ZC3H12B: variants seen among roughly 807,000 people sequenced by gnomAD.
The protein encoded by ZC3H12B is zinc finger CCCH-type containing 12B, also known as probable ribonuclease ZC3H12B.
A neutral mutation model predicts 43.9 loss-of-function variants in ZC3H12B; 7 were observed. The ratio of observed to expected loss-of-function variants is 0.16; its 90% CI spans 0.09 to 0.30. The LOEUF is 0.30. ZC3H12B is among the 10% of genes least tolerant of loss of function. ZC3H12B has a pLI of 1.00. For synonymous variants in ZC3H12B, 222 were observed against 241.7 expected (o/e 0.92, Z 0.76); for missense variants, 475 against 670.2 (o/e 0.71, Z 3.22).
chrX:65,141,406 G>A, the ZC3H12B span, among the ~76,000 whole-genome samples: 16 of 109,218 alleles, frequency 1.5e-4, no homozygotes, highest in South Asian at 7.7e-4. Flanking sequence ...CTACACATAC[G>A]TGGGCTCTTT....
At chrX:65,054,033 A>C in the ZC3H12B span, among the ~76,000 whole-genome samples, 1 of 112,372 alleles carries the variant, frequency 8.9e-6, no homozygotes, top group Non-Finnish European at 1.9e-5. Context: ...AGTAGATTGC[A>C]AAAATTTTCT....
At chrX:65,347,563 G>A in the ZC3H12B span, among the ~76,000 whole-genome samples, 28 of 111,951 alleles carry the variant, frequency 2.5e-4, no homozygotes, top group African/African-American at 8.1e-4. Context: ...TTAGAATGGT[G>A]ATCATTAAAA....
At chrX:65,212,379 T>C in the ZC3H12B span, among the ~76,000 whole-genome samples, 1 of 54,407 alleles carries the variant, frequency 1.8e-5, no homozygotes, top group Non-Finnish European at 3.0e-5. Context: ...ACATATTGTA[T>C]AATATGTAAT....
At chrX:65,173,268 T>G in the ZC3H12B span, among the ~76,000 whole-genome samples, 2 of 112,149 alleles carry the variant, frequency 1.8e-5, no homozygotes, top group African/African-American at 6.5e-5. Flanking sequence ...TGCACATTGA[T>G]TTTGTATCCT....
At chrX:65,118,469 A>C in the ZC3H12B span, among the ~76,000 whole-genome samples, 2 of 111,002 alleles carry the variant, frequency 1.8e-5, no homozygotes, top group African/African-American at 3.3e-5. Context: ...TGGGCTGAGA[A>C]GATGGGGTTT....
the ZC3H12B span, among the ~76,000 whole-genome samples, chrX:65,119,705 A>G: frequency 9.0e-6 from 1 of 111,404 alleles, no homozygotes; most frequent in East Asian, 2.8e-4. Context: ...GGTGTTTTAG[A>G]CATGAAGTCC....
chrX:65,132,953 A>G, the ZC3H12B span, among the ~76,000 whole-genome samples: 1 of 111,647 alleles, frequency 9.0e-6, no homozygotes, highest in East Asian at 2.8e-4. Context: ...CTTGGGCCAG[A>G]GTTCCAGGGG....
intron 2 of ZC3H12B, among the ~76,000 whole-genome samples, 173 bp from the exon 5 acceptor site, chrX:65,398,420 G>C (rs1247269610): frequency 8.9e-6 from 1 of 111,855 alleles, no homozygotes; most frequent in African/African-American, 3.2e-5. Context: ...CACAAATCTT[G>C]TTTCGAATTG....
chrX:65,285,398 CT>C, the ZC3H12B span, among the ~76,000 whole-genome samples: 1 of 110,487 alleles, frequency 9.1e-6, no homozygotes, highest in Non-Finnish European at 1.9e-5. Context: ...GCACAAAAGT[CT>C]TCCCCACACC....
At chrX:65,463,598 C>T (rs1406798947) in intron 3 of ZC3H12B, among the ~76,000 whole-genome samples, 1 of 110,762 alleles carries the variant, frequency 9.0e-6, no homozygotes, top group Non-Finnish European at 1.9e-5. Flanking sequence ...AGAGAGAATC[C>T]CTTCCTTGCC....
the ZC3H12B span, among the ~76,000 whole-genome samples, chrX:65,219,999 A>T: frequency 3.6e-5 from 4 of 111,562 alleles, no homozygotes; most frequent in Admixed American, 9.6e-5. Context: ...AAAATTAACC[A>T]CAGATTTCTC....
chrX:65,279,711 A>T, the ZC3H12B span, among the ~76,000 whole-genome samples: 1 of 112,416 alleles, frequency 8.9e-6, no homozygotes, highest in Non-Finnish European at 1.9e-5. Context: ...AAAAGCAAAA[A>T]TAGACATGTG....
chrX:65,057,666 C>T, the ZC3H12B span, among the ~76,000 whole-genome samples: 2 of 111,884 alleles, frequency 1.8e-5, no homozygotes, highest in East Asian at 2.8e-4. Context: ...TGGATAATAT[C>T]CTGCAGAGTG....
the ZC3H12B span, among the ~76,000 whole-genome samples, chrX:65,198,385 A>G: frequency 8.9e-6 from 1 of 112,051 alleles, no homozygotes. Flanking sequence ...ATTTTCCTTC[A>G]GATTGAAGAA....
the ZC3H12B span, among the ~76,000 whole-genome samples, chrX:65,123,070 A>G: frequency 8.9e-6 from 1 of 112,112 alleles, no homozygotes; most frequent in Non-Finnish European, 1.9e-5. Context: ...GGTTTGTCAT[A>G]AATAGCTCTT....
chrX:65,074,693 A>T, the ZC3H12B span, among the ~76,000 whole-genome samples: 2 of 111,573 alleles, frequency 1.8e-5, no homozygotes, highest in Admixed American at 9.5e-5. Context: ...AATAATTTCA[A>T]ATTACCTGTA....
upstream of ZC3H12B, among the ~76,000 whole-genome samples, chrX:65,488,114 G>A (rs891999374): frequency 3.6e-5 from 4 of 110,421 alleles, no homozygotes; most frequent in Admixed American, 9.7e-5. Context: ...CTTGTGATCC[G>A]CCCGCCTCGG....
the ZC3H12B span, among the ~76,000 whole-genome samples, chrX:65,323,926 G>A: frequency 3.6e-5 from 4 of 112,132 alleles, no homozygotes; most frequent in South Asian, 3.7e-4. Flanking sequence ...GTTTTGATTT[G>A]CATTTCTCTA....
the ZC3H12B span, among the ~76,000 whole-genome samples, chrX:65,183,491 C>A: frequency 9.0e-6 from 1 of 111,032 alleles, no homozygotes; most frequent in Non-Finnish European, 1.9e-5. Flanking sequence ...ACACCAAACC[C>A]CAGTTGCACG....
Sources: allele counts gnomAD v4.1 joint callset (sites outside exome capture counted in the v4.1 genomes callset), GRCh38; gene constraint gnomAD v4.1.1; transcripts MANE v1.5; gene names NCBI Gene and HGNC (gene_info 2026-07-23, HGNC 2026-07-21).